The following PRG2 variants were observed in gnomAD, a reference collection of about 807,000 sequenced individuals.
PRG2 encodes the protein proteoglycan 2, pro eosinophil major basic protein.
PRG2 carries 23 observed loss-of-function variants against 24.7 expected under a neutral mutation model. The observed-to-expected ratio is 0.93, with a 90% CI of 0.67 to 1.32. The LOEUF (loss-of-function observed/expected upper bound fraction) is 1.32, where lower values mean the gene tolerates loss of function less well. Among genes scored for constraint, PRG2 ranks in the 40% most tolerant of loss-of-function variants. The pLI is 0.00. For missense variants in PRG2, 271 were observed against 280.9 expected, an observed-to-expected ratio of 0.96 and a Z score of 0.25; for synonymous variants, 104 against 99.8, an observed-to-expected ratio of 1.04 and a Z score of -0.25.
chr11:57,387,655 G>T (rs926989393), intron 5 of PRG2, 99 bp downstream of exon 5: 3 of 1,368,334 alleles, frequency 2.2e-6, no homozygotes, highest in African/African-American at 1.4e-5. Context: ...GACCCAGGAA[G>T]CCTCTCCCAC....
At position 57,387,404 on chromosome 11, in the gene PRG2, G is replaced by A; in HGVS notation, c.*71C>T. On this transcript the variant is annotated 3_prime_UTR_variant, in exon 6 of 6. Transcript: ENST00000311862. ...ATTTTATTGCAGGGAGGTGGAGGGA[G>A]GGATGGCAAGCAGAGGAGGGGAGGC... The A allele has an allele frequency of 1.5e-6, 2 of 1,336,370 alleles. No homozygotes were observed. Among genetic ancestry groups the A allele is most frequent in the Non-Finnish European group, 2.1e-6 (2 of 950,216 alleles). 82.8% of individuals were successfully genotyped at this position (1,336,370 alleles called of 1,614,324 possible). A position where few individuals can be genotyped will look rare whatever the true frequency, so the allele number is the denominator to read the frequency against.
rs548091046 is a variant in PRG2, at chr11:57,387,398, G to A, written c.*77C>T. The A allele has an allele frequency of 6.6e-5, 84 of 1,274,410 alleles. 1 individual carries two copies. The South Asian group carries it at 1.0e-3, about 15-fold the overall frequency. 78.9% of individuals were successfully genotyped at this position (1,274,410 alleles called of 1,614,324 possible). On this transcript the variant is annotated 3_prime_UTR_variant, in exon 6 of 6. Transcript: ENST00000311862. ...AAACCCATTTTATTGCAGGGAGGTG[G>A]AGGGAGGGATGGCAAGCAGAGGAGG...
intron 4 of PRG2, 101 bp from the exon 5 acceptor site, chr11:57,387,966 T>G: frequency 1.2e-6 from 1 of 817,708 alleles, no homozygotes; most frequent in Non-Finnish European, 1.9e-6. Context: ...CACCGGGCAA[T>G]GGGCCCTTCC....
rs148430753 is a variant in PRG2, at chr11:57,389,133, A to G, written c.243T>C (p.Asp81=). 12 of 1,613,904 alleles carry G rather than the reference A, an allele frequency of 7.4e-6. No homozygotes were observed. In the African/African-American group the frequency reaches 1.2e-4, roughly 16 times the overall value. ...DGAVESISVP[D]MVDKNLTCPE... is the part of the protein sequence containing the mutation. Reference sequence around the variant, plus strand: ...GACACGTAAGGTTTTTGTCCACCATATCTGGCACTGAGATAGACTCAACAG... The same window carrying G: ...GACACGTAAGGTTTTTGTCCACCATGTCTGGCACTGAGATAGACTCAACAG... Residue 81 remains aspartate, a synonymous_variant, in exon 3 of 6, where the codon GAT becomes GAC. Transcript: ENST00000311862.
At position 57,388,642 on chromosome 11, in the gene PRG2, T is replaced by C. The variant is rs1187630682; in HGVS notation, c.433A>G (p.Ile145Val). 1 of 1,613,874 alleles carries C rather than the reference T, an allele frequency of 6.2e-7. No homozygotes were observed. The highest frequency in any genetic ancestry group is 8.5e-7 in the Non-Finnish European group (1 of 1,179,940). ...SIHNFNINYR[I>V]QCSVSALNQG... is the part of the protein sequence containing the mutation. ...TTGAGCGCGCTGACAGAACACTGGA[T>C]TCGATAATTAATATTGAAGTTGTGG... is the stretch of plus-strand genomic sequence containing the variant. Residue 145 changes from isoleucine to valine, a missense_variant, in exon 4 of 6, where the codon ATC becomes GTC. Transcript: ENST00000311862.
Position 57,389,114 on chromosome 11 carries a change from T to A in PRG2, c.262A>T (p.Thr88Ser). ...ACTGTGTCCTCTTCCTCAGGACACGTAAGGTTTTTGTCCACCATATCTGGC... is the reference window on the plus strand; with the variant it reads ...ACTGTGTCCTCTTCCTCAGGACACGAAAGGTTTTTGTCCACCATATCTGGC... ...SVPDMVDKNL[T>S]CPEEEDTVKV... Residue 88 changes from threonine to serine, a missense_variant, in exon 3 of 6, where the codon ACG becomes TCG. Transcript: ENST00000311862. The A allele has an allele frequency of 1.2e-6, 2 of 1,614,154 alleles. No individual in the cohort carries two copies. The highest frequency in any genetic ancestry group is 1.7e-6 in the Non-Finnish European group (2 of 1,180,026).
intron 4 of PRG2, among the ~76,000 whole-genome samples, chr11:57,388,154 A>T (rs373440589): frequency 9.0e-4 from 133 of 147,996 alleles, no homozygotes; most frequent in African/African-American, 3.3e-3. Flanking sequence ...TCTTGTTTTA[A>T]TTTTTTTTTT....
Position 57,387,190 on chromosome 11 carries a change from T to C in PRG2, c.*285A>G. Reference sequence around the variant, plus strand: ...CTATGAAGAGAACTAGCTGAGCCCATTCCTCCATCTCCAAAAGGCTCCATA... The same window carrying C: ...CTATGAAGAGAACTAGCTGAGCCCACTCCTCCATCTCCAAAAGGCTCCATA... On this transcript the variant is annotated 3_prime_UTR_variant, in exon 6 of 6. Transcript: ENST00000311862. 2.8e-6 allele frequency: 1 copy of C among 352,432 alleles called. No homozygotes were observed. Among genetic ancestry groups the C allele is most frequent in the Non-Finnish European group, 5.1e-6 (1 of 194,718 alleles). 21.8% of individuals were successfully genotyped at this position (352,432 alleles called of 1,614,324 possible).
Position 57,389,046 on chromosome 11 carries a change from G to A in PRG2, c.330C>T (p.Leu110=). The change falls in exon 3 of 6, where the codon CTC becomes CTT. Residue 110 remains leucine, a synonymous_variant. Transcript: ENST00000311862. Reference sequence around the variant, plus strand: ...TAAACGTCTGAAGACTTCTCACCAGGAGGTAGCGGCAGGTCTGGCACCCAG... The same window carrying A: ...TAAACGTCTGAAGACTTCTCACCAGAAGGTAGCGGCAGGTCTGGCACCCAG... ...GIPGCQTCRY[L]LVRSLQTFSQ... is the part of the protein sequence containing the mutation. The A allele has an allele frequency of 6.2e-7, 1 of 1,614,164 alleles. No homozygotes were observed.
In PRG2 at chr11:57,388,583, T is replaced by C. The variant is rs767058753; in HGVS notation, c.492A>G (p.Thr164=). ...GTGTTCACACTTCTCTTACCGAGCC[T>C]GTGATCCTGCCTCCAATCCAGACTT... The part of the protein sequence containing the change: ...QGQVWIGGRI[T]GSGRCRRFQW... The change falls in exon 4 of 6, where the codon ACA becomes ACG. Residue 164 remains threonine (T), a synonymous_variant. Coordinates refer to ENST00000311862, the MANE Select transcript of PRG2 (RefSeq NM_002728.6). The C allele has an allele frequency of 3.7e-6, 6 of 1,613,780 alleles. No individual in the cohort carries two copies. Among genetic ancestry groups the C allele is most frequent in the Non-Finnish European group, 5.1e-6 (6 of 1,179,830 alleles).
intron 4 of PRG2, 122 bp from the exon 5 acceptor site, chr11:57,387,987 A>G (rs1391187807): frequency 4.5e-6 from 3 of 664,632 alleles, no homozygotes; most frequent in African/African-American, 3.6e-5. Context: ...CTGCTGGACC[A>G]TGATGGGAAC....
chr11:57,388,828 C>A (rs1387229876), intron 3 of PRG2, 120 bp from the exon 4 acceptor site: 2 of 1,475,854 alleles, frequency 1.4e-6, no homozygotes, highest in Non-Finnish European at 1.8e-6. Context: ...AGGTTGGAGA[C>A]CAAAATGCAA....
intron 2 of PRG2, 130 bp from the exon 3 acceptor site, chr11:57,389,447 C>A (rs772651925): frequency 1.4e-5 from 15 of 1,067,994 alleles, no homozygotes; most frequent in Non-Finnish European, 2.0e-5. Context: ...AACCTGGAAC[C>A]CAGTCTCTAT....
rs1857054336 is a variant in PRG2 at position 57,386,923 on chromosome 11, T to A, written c.*552A>T. The A allele has an allele frequency of 6.6e-6, 1 of 152,232 alleles. No individual in the cohort carries two copies. Among genetic ancestry groups the A allele is most frequent in the African/African-American group, 2.4e-5 (1 of 41,420 alleles). The allele number at this position is 152,232 out of a possible 1,614,324, so 9.4% of individuals were successfully genotyped here. On this transcript the variant is annotated 3_prime_UTR_variant, in exon 6 of 6. Coordinates refer to ENST00000311862, the MANE Select transcript of PRG2 (RefSeq NM_002728.6). The stretch of plus-strand genomic sequence containing the variant: ...ACTGGGAAATGGTGCCCAATACATG[T>A]TAGATTTATTCCACTTGAGGGGCCG...
intron 3 of PRG2, 33 bp downstream of exon 3, chr11:57,388,977 C>G (rs760466750): frequency 6.3e-7 from 1 of 1,599,776 alleles, no homozygotes; most frequent in Admixed American, 1.7e-5. Flanking sequence ...CCGTTCCATG[C>G]TCCCACCTCA....
At chr11:57,389,866 C>T (rs1484836144) in intron 2 of PRG2, 21 bp downstream of exon 2, 1 of 1,589,940 alleles carries the variant, frequency 6.3e-7, no homozygotes, top group African/African-American at 1.3e-5. Context: ...GAAAGAAAGA[C>T]TGAAGGCAAA....
In PRG2 at chr11:57,387,759, G is replaced by A. The variant is rs753831959; in HGVS notation, c.605C>T (p.Thr202Ile). 1.9e-6 allele frequency: 3 copies of A among 1,575,500 alleles called. No homozygotes were observed. Among genetic ancestry groups the A allele is most frequent in the Non-Finnish European group, 2.6e-6 (3 of 1,161,040 alleles). The change falls in exon 5 of 6, where the codon ACC becomes ATC. Residue 202 changes from threonine (T) to isoleucine (I), a missense_variant. Coordinates refer to ENST00000311862, the MANE Select transcript of PRG2 (RefSeq NM_002728.6). ...CATCCCCAGCCCCACCTCACCTCGG[G>A]TACACAGGGCCACGCAGTGACCACC... Reference protein sequence around the residue: ...SRGGHCVALCTRGGHWRRAHC... With the variant: ...SRGGHCVALCIRGGHWRRAHC...
At chr11:57,389,385 A>G (rs1857115332) in intron 2 of PRG2, 68 bp from the exon 3 acceptor site, 1 of 1,500,612 alleles carries the variant, frequency 6.7e-7, no homozygotes, top group Non-Finnish European at 9.0e-7. Flanking sequence ...AACCACAGAC[A>G]GCTCACACCT....
chr11:57,390,007 A>G, intron 1 of PRG2, 51 bp from the exon 2 acceptor site: 4 of 1,446,610 alleles, frequency 2.8e-6, no homozygotes, highest in Non-Finnish European at 3.9e-6. Flanking sequence ...ACACATGCAC[A>G]CACATCACAA....
Sources: allele counts gnomAD v4.1 joint callset (sites outside exome capture counted in the v4.1 genomes callset), GRCh38; gene constraint gnomAD v4.1.1; transcripts MANE v1.5; gene names NCBI Gene and HGNC (gene_info 2026-07-23, HGNC 2026-07-21).